The following PAK1 variants were observed in gnomAD, a reference collection of about 807,000 sequenced individuals.
The protein encoded by PAK1 is serine/threonine-protein kinase PAK 1.
Under a neutral mutation model 67.4 loss-of-function variants are expected in PAK1, and 29 were observed. The ratio of observed to expected loss-of-function variants is 0.43; its 90% CI spans 0.32 to 0.59. The LOEUF (loss-of-function observed/expected upper bound fraction) is 0.59, where lower values mean the gene tolerates loss of function less well. PAK1 is among the 20% of genes least tolerant of loss of function. PAK1 has a pLI of 0.07. For synonymous variants in PAK1, 223 were observed against 237.4 expected (o/e 0.94, Z 0.56); for missense variants, 337 against 670.7 (o/e 0.50, Z 5.50).
At chr11:77,445,151 A>G (rs1956540730) in intron 1 of PAK1, among the ~76,000 whole-genome samples, 3 of 152,200 alleles carry the variant, frequency 2.0e-5, no homozygotes, top group Non-Finnish European at 2.9e-5. Flanking sequence ...AATCACACAC[A>G]GAGATAAGAT....
the PAK1 span, among the ~76,000 whole-genome samples, chr11:77,482,493 C>A: frequency 1.9e-4 from 29 of 152,258 alleles, no homozygotes; most frequent in East Asian, 5.6e-3. Context: ...TAAGATGAAA[C>A]CTTCAATATA....
At chr11:77,412,033 G>C (rs2138056113) in intron 1 of PAK1, 1 of 152,412 alleles carries the variant, frequency 6.6e-6, no homozygotes, top group African/African-American at 2.4e-5. Context: ...GAGGCGGGAG[G>C]AAGCCGCGCG....
the PAK1 span, among the ~76,000 whole-genome samples, chr11:77,499,957 C>T: frequency 6.6e-6 from 1 of 152,196 alleles, no homozygotes; most frequent in South Asian, 2.1e-4. Context: ...ACTTCCATCT[C>T]TGCTTCTACA....
chr11:77,360,722 G>A (rs574928979), intron 5 of PAK1, among the ~76,000 whole-genome samples: 1 of 152,266 alleles, frequency 6.6e-6, no homozygotes, highest in South Asian at 2.1e-4. Context: ...GAGAGAGAAA[G>A]GTCTAGGTTA....
upstream of PAK1, chr11:77,475,934 G>C (rs1364525268): frequency 1.3e-5 from 2 of 152,234 alleles, no homozygotes; most frequent in Non-Finnish European, 2.9e-5. Context: ...CACTTGGGAG[G>C]CCAAGGCAGC....
chr11:77,355,946 C>T, intron 6 of PAK1, 104 bp from the exon 7 acceptor site: 2 of 681,636 alleles, frequency 2.9e-6, no homozygotes, highest in Non-Finnish European at 5.1e-6. Flanking sequence ...CCCCAATAAA[C>T]TCATCCTTTC....
At chr11:77,422,080 A>C (rs576551037) in intron 1 of PAK1, among the ~76,000 whole-genome samples, 1 of 152,294 alleles carries the variant, frequency 6.6e-6, no homozygotes, top group Non-Finnish European at 1.5e-5. Flanking sequence ...CCAAACACTT[A>C]TCCAATTTAC....
rs1044793344 is a variant in PAK1, at chr11:77,340,517, T to G, written c.1116+129A>C. ...AAACACAGGTACAATACAGGAATGATAGCAGTGTCAGCACTAATTTCTACC... is the reference window on the plus strand; with the variant it reads ...AAACACAGGTACAATACAGGAATGAGAGCAGTGTCAGCACTAATTTCTACC... On this transcript the variant is annotated intron_variant, in intron 11 of 14. Coordinates refer to ENST00000356341, the MANE Select transcript of PAK1 (RefSeq NM_002576.5). The G allele has an allele frequency of 2.2e-5, 15 of 690,152 alleles. No homozygotes were observed. In the South Asian group the frequency reaches 2.5e-4, roughly 12 times the overall value. The allele number at this position is 690,152 out of a possible 1,614,324, so 42.8% of individuals were successfully genotyped here. A position where few individuals can be genotyped will look rare whatever the true frequency, so the allele number is the denominator to read the frequency against.
In PAK1 at chr11:77,434,842, C is replaced by G. The variant is rs544118938; in HGVS notation, c.-22+38710G>C. 1.9e-3 allele frequency among the ~76,000 whole-genome samples: 295 copies of G among 152,208 alleles called. 3 individuals carry two copies. Among genetic ancestry groups the G allele is most frequent in the Non-Finnish European group, 1.9e-3 (132 of 68,006 alleles). ...CCATGTTGCCCAGGCTGGTCTCCAA[C>G]TCCTGAGCTCAAGAGATCTGCCTAC... On this transcript the variant is annotated intron_variant, in intron 1 of 14. Transcript: ENST00000356341.
intron 1 of PAK1, among the ~76,000 whole-genome samples, chr11:77,465,002 GTGTGTGTGTGTCTGTGTGTGTGTC>G (rs1236785585): frequency 6.6e-6 from 1 of 150,640 alleles, no homozygotes; most frequent in African/African-American, 2.4e-5. Flanking sequence ...GTGTGTGTGT[GTGTGTGTGTGTCTGTGTGTGTGTC>G]TGTGTGTGTG....
At chr11:77,528,297 G>T in the PAK1 span, among the ~76,000 whole-genome samples, 4 of 150,498 alleles carry the variant, frequency 2.7e-5, no homozygotes, top group East Asian at 7.8e-4. Context: ...TCCAATCCAC[G>T]TAATTTTCCT....
At chr11:77,349,136 A>T in intron 9 of PAK1, 103 bp downstream of exon 9, 1 of 850,108 alleles carries the variant, frequency 1.2e-6, no homozygotes. Flanking sequence ...AAAAAAAAAA[A>T]AAAAACCTAG....
At chr11:77,402,419 A>G (rs1400339029) in intron 1 of PAK1, among the ~76,000 whole-genome samples, 5 of 152,170 alleles carry the variant, frequency 3.3e-5, no homozygotes, top group African/African-American at 7.2e-5. Context: ...CCAGAAACCA[A>G]TATTTACAGG....
intron 11 of PAK1, among the ~76,000 whole-genome samples, chr11:77,339,441 G>T (rs1286952937): frequency 1.3e-5 from 2 of 151,848 alleles, no homozygotes; most frequent in Non-Finnish European, 2.9e-5. Flanking sequence ...GCCTCCTTAA[G>T]AAGGAGATAA....
In PAK1 at chr11:77,424,212, A is replaced by G. The variant is rs12576746; in HGVS notation, c.-21-31671T>C. 7.0e-4 allele frequency among the ~76,000 whole-genome samples: 106 copies of G among 152,228 alleles called. 2 individuals are homozygous for G. The East Asian group carries it at 0.019, about 27-fold the overall frequency. On this transcript the variant is annotated intron_variant, in intron 1 of 14. Coordinates refer to ENST00000356341, the MANE Select transcript of PAK1 (RefSeq NM_002576.5). ...ATGCCACTTCAGTGCCAGGAACCCA[A>G]CCTTGCAGGGGATGCTACTGCCTCT...
intron 2 of PAK1, among the ~76,000 whole-genome samples, chr11:77,382,088 C>T (rs1327045438): frequency 6.6e-6 from 1 of 152,096 alleles, no homozygotes; most frequent in Non-Finnish European, 1.5e-5. Context: ...TGTTTTATTT[C>T]AATTTTTATT....
chr11:77,332,618 G>T, intron 14 of PAK1, 112 bp downstream of exon 14: 1 of 801,824 alleles, frequency 1.2e-6, no homozygotes, highest in Non-Finnish European at 2.1e-6. Flanking sequence ...TGTAGGAAGT[G>T]GTAGAAGAGA....
chr11:77,379,847 G>T, intron 3 of PAK1, 47 bp downstream of exon 3: 2 of 1,269,934 alleles, frequency 1.6e-6, no homozygotes, highest in Non-Finnish European at 2.3e-6. Context: ...ACAGTGCACA[G>T]CCAGAACTCT....
chr11:77,494,161 A>G, the PAK1 span, among the ~76,000 whole-genome samples: 13 of 152,350 alleles, frequency 8.5e-5, no homozygotes, highest in South Asian at 2.7e-3. Context: ...GCACAAATAC[A>G]TGAAGTTCAA....
Sources: gnomAD v4.1 joint callset for allele counts (sites outside exome capture counted in the v4.1 genomes callset) on GRCh38, gnomAD v4.1.1 for gene constraint, MANE v1.5 for transcripts, NCBI Gene and HGNC (gene_info 2026-07-23, HGNC 2026-07-21) for gene names.